Variants in ATP8B4 observed in about 807,000 individuals in gnomAD.
ATP8B4 encodes ATPase phospholipid transporting 8B4 (putative).
In ATP8B4, 133 loss-of-function variants were observed where a neutral mutation model predicts 145.6. The observed-to-expected ratio is 0.91, with a 90% CI of 0.79 to 1.05. ATP8B4 has a LOEUF of 1.05. Ranked by LOEUF, ATP8B4 falls within the 50% of genes least tolerant of loss-of-function variation. ATP8B4 has a pLI of 0.00. For synonymous variants in ATP8B4, 507 were observed against 492.9 expected (o/e 1.03, Z -0.38); for missense variants, 1,458 against 1,425.2 (o/e 1.02, Z -0.37).
intron 21 of ATP8B4, among the ~76,000 whole-genome samples, chr15:49,898,756 A>T (rs142412116): frequency 4.7e-4 from 72 of 152,264 alleles, no homozygotes; most frequent in African/African-American, 1.7e-3. Flanking sequence ...TGATCTGGGG[A>T]TTGTCCCTTG....
intron 1 of ATP8B4, among the ~76,000 whole-genome samples, chr15:50,169,852 A>G (rs2044646399): frequency 6.6e-6 from 1 of 152,230 alleles, no homozygotes; most frequent in Admixed American, 6.5e-5. Context: ...AATATTCAGG[A>G]AAGTTTGGAC....
intron 2 of ATP8B4, among the ~76,000 whole-genome samples, chr15:50,086,094 A>G (rs2055016996): frequency 8.8e-6 from 1 of 114,118 alleles, no homozygotes; most frequent in South Asian, 2.5e-4. Context: ...TATACTTATT[A>G]TATATAATAA....
At chr15:50,041,408 A>C (rs2051273077) in intron 5 of ATP8B4, among the ~76,000 whole-genome samples, 1 of 152,242 alleles carries the variant, frequency 6.6e-6, no homozygotes, top group Admixed American at 6.5e-5. Flanking sequence ...CTTAGAAAGC[A>C]TGTCTGGTTG....
At chr15:49,924,866 G>T (rs913917680) in intron 16 of ATP8B4, among the ~76,000 whole-genome samples, 5 of 152,096 alleles carry the variant, frequency 3.3e-5, no homozygotes, top group Non-Finnish European at 5.9e-5. Flanking sequence ...GTTAAACCAG[G>T]GGGGGAAACT....
chr15:50,119,779 T>A (rs1479011360), upstream of ATP8B4, among the ~76,000 whole-genome samples: 3 of 111,822 alleles, frequency 2.7e-5, no homozygotes, highest in South Asian at 2.8e-4. Flanking sequence ...TTTTTTTTTT[T>A]ACAGGGGAAG....
At chr15:49,896,114 C>T (rs749385962) in intron 23 of ATP8B4, 5 of 152,150 alleles carry the variant, frequency 3.3e-5, no homozygotes, top group African/African-American at 7.2e-5. Flanking sequence ...CCCAGCCCCA[C>T]GCCTACTCTG....
chr15:50,041,062 G>A (rs1008257260), intron 5 of ATP8B4, among the ~76,000 whole-genome samples: 1 of 152,202 alleles, frequency 6.6e-6, no homozygotes, highest in Admixed American at 6.5e-5. Flanking sequence ...TGGTAGGATA[G>A]TAAGGTGTCT....
chr15:49,905,795 A>G (rs1291601253), intron 20 of ATP8B4, among the ~76,000 whole-genome samples: 1 of 152,150 alleles, frequency 6.6e-6, no homozygotes, highest in Non-Finnish European at 1.5e-5. Flanking sequence ...ACACTATTAC[A>G]ACATCAGATA....
chr15:49,882,543 T>C (rs752523108), intron 23 of ATP8B4, among the ~76,000 whole-genome samples: 4 of 152,124 alleles, frequency 2.6e-5, no homozygotes, highest in Non-Finnish European at 4.4e-5. Flanking sequence ...CAGAATACTA[T>C]AGAATAATGA....
At chr15:50,044,500 T>C (rs866583896) in intron 5 of ATP8B4, 94 bp downstream of exon 5, 2 of 854,890 alleles carry the variant, frequency 2.3e-6, no homozygotes, top group Middle Eastern at 2.3e-4. Flanking sequence ...CCAAAATAAC[T>C]TCATTCAAAA....
chr15:50,051,120 A>G (rs973734507), intron 3 of ATP8B4, among the ~76,000 whole-genome samples: 1 of 152,212 alleles, frequency 6.6e-6, no homozygotes, highest in East Asian at 1.9e-4. Flanking sequence ...TAACTGAATC[A>G]TTAGAGTGGT....
At chr15:49,997,071 A>G (rs557931069) in intron 8 of ATP8B4, among the ~76,000 whole-genome samples, 1 of 152,296 alleles carries the variant, frequency 6.6e-6, no homozygotes, top group Non-Finnish European at 1.5e-5. Flanking sequence ...CATGAGTTAC[A>G]AAACACATTC....
intron 19 of ATP8B4, among the ~76,000 whole-genome samples, chr15:49,917,473 C>G (rs2039857392): frequency 6.6e-6 from 1 of 151,952 alleles, no homozygotes; most frequent in Non-Finnish European, 1.5e-5. Context: ...AAAAAACTCA[C>G]AAAATGTTCA....
chr15:49,883,803 C>A (rs1225343951), intron 23 of ATP8B4, among the ~76,000 whole-genome samples: 2 of 151,358 alleles, frequency 1.3e-5, no homozygotes, highest in Non-Finnish European at 2.9e-5. Flanking sequence ...TAAAAAAAAA[C>A]CCAAAGGGGA....
At chr15:50,064,998 C>T (rs2053280324) in intron 3 of ATP8B4, among the ~76,000 whole-genome samples, 1 of 152,126 alleles carries the variant, frequency 6.6e-6, no homozygotes, top group South Asian at 2.1e-4. Flanking sequence ...TTCTACTATG[C>T]CCCACCTCCA....
chr15:49,997,178 A>G (rs1002116532), intron 8 of ATP8B4, among the ~76,000 whole-genome samples: 1 of 152,148 alleles, frequency 6.6e-6, no homozygotes, highest in Non-Finnish European at 1.5e-5. Context: ...GTCATGACTA[A>G]TTTCACAGTA....
chr15:50,133,055 C>T (rs2044070564), intron 1 of ATP8B4, among the ~76,000 whole-genome samples: 2 of 152,080 alleles, frequency 1.3e-5, no homozygotes, highest in East Asian at 1.9e-4. Flanking sequence ...CACATGTATA[C>T]TCATGTAACA....
At chr15:49,891,931 T>C (rs1205085047) in intron 23 of ATP8B4, among the ~76,000 whole-genome samples, 4 of 151,970 alleles carry the variant, frequency 2.6e-5, no homozygotes, top group East Asian at 1.9e-4. Flanking sequence ...CTGGCTAACA[T>C]GGTGAAACCC....
rs541386792 is a variant in ATP8B4, at chr15:50,043,930, G to A, written c.300+664C>T. Among the ~76,000 whole-genome samples, 1,267 of 149,926 alleles carry A rather than the reference G, an allele frequency of 8.5e-3. 20 individuals carry two copies. Among genetic ancestry groups the A allele is most frequent in the African/African-American group, 0.03 (1,207 of 40,702 alleles). On this transcript the variant is annotated intron_variant, in intron 5 of 27. Coordinates refer to ENST00000284509, the MANE Select transcript of ATP8B4 (RefSeq NM_024837.4). ...ATTGCGCCACTGCAGTCCGCAGTCC[G>A]GCCTGGGCGACAGAGCGAGACTCCG...
Sources: gnomAD v4.1 joint callset for allele counts (sites outside exome capture counted in the v4.1 genomes callset) on GRCh38, gnomAD v4.1.1 for gene constraint, MANE v1.5 for transcripts, NCBI Gene and HGNC (gene_info 2026-07-23, HGNC 2026-07-21) for gene names.